MYO9A: variants seen among roughly 807,000 people sequenced by gnomAD.
The protein encoded by MYO9A is myosin IXA, also known as unconventional myosin-IXa.
A neutral mutation model predicts 293.3 loss-of-function variants in MYO9A; 103 were observed. The observed-to-expected ratio is 0.35, with a 90% confidence interval of 0.30 to 0.41. MYO9A has a LOEUF of 0.41. Among genes scored for constraint, MYO9A ranks in the 10% least tolerant of loss-of-function variants. The probability of loss-of-function intolerance (pLI) is 1.00; values close to 1 mark genes in which losing one functional copy is unlikely to be tolerated. For synonymous variants in MYO9A, 1,001 were observed against 1,035.7 expected (o/e 0.97, Z 0.64); for missense variants, 2,685 against 3,033.0 (o/e 0.89, Z 2.69).
At chr15:72,034,410 G>A (rs2077977552) in intron 2 of MYO9A, among the ~76,000 whole-genome samples, 1 of 152,086 alleles carries the variant, frequency 6.6e-6, no homozygotes. Context: ...TATAATGATA[G>A]CAGCAAATGC....
At chr15:72,029,298 T>C (rs1204737967) in intron 3 of MYO9A, among the ~76,000 whole-genome samples, 1 of 152,200 alleles carries the variant, frequency 6.6e-6, no homozygotes, top group Admixed American at 6.5e-5. Context: ...TTCTGAGAAA[T>C]GCATCATTAG....
At chr15:72,092,883 C>T (rs2079958457) in intron 1 of MYO9A, among the ~76,000 whole-genome samples, 1 of 151,774 alleles carries the variant, frequency 6.6e-6, no homozygotes, top group South Asian at 2.1e-4. Flanking sequence ...ACAAGACACA[C>T]ACCACCACTT....
intron 1 of MYO9A, among the ~76,000 whole-genome samples, chr15:72,067,957 C>T (rs1436264540): frequency 6.6e-6 from 1 of 152,082 alleles, no homozygotes; most frequent in East Asian, 1.9e-4. Flanking sequence ...CTCATAAGAA[C>T]AACACAAAGC....
chr15:71,956,651 ATATATATATC>A (rs966683458), intron 14 of MYO9A, among the ~76,000 whole-genome samples: 63 of 150,566 alleles, frequency 4.2e-4, no homozygotes, highest in African/African-American at 1.5e-3. Flanking sequence ...GTCTCAAAAA[ATATATATATC>A]TATATATATC....
At chr15:71,946,772 T>C (rs574098309) in intron 15 of MYO9A, among the ~76,000 whole-genome samples, 11 of 152,374 alleles carry the variant, frequency 7.2e-5, no homozygotes, top group African/African-American at 2.6e-4. Flanking sequence ...AAAGTTCTAC[T>C]GCACCATGCT....
chr15:72,099,434 A>AAAG (rs2080186137), intron 1 of MYO9A, among the ~76,000 whole-genome samples: 3 of 149,428 alleles, frequency 2.0e-5, no homozygotes, highest in Non-Finnish European at 3.0e-5. Context: ...AAAAAAAAAA[A>AAAG]AAAAAAAAGA....
intron 18 of MYO9A, among the ~76,000 whole-genome samples, chr15:71,917,988 T>G (rs2058057734): frequency 6.6e-6 from 1 of 152,038 alleles, no homozygotes; most frequent in Non-Finnish European, 1.5e-5. Context: ...AAAAAAAAAC[T>G]TTTAAAAATT....
chr15:71,899,609 G>T, intron 24 of MYO9A, 78 bp downstream of exon 24: 1 of 1,250,220 alleles, frequency 8.0e-7, no homozygotes, highest in Non-Finnish European at 1.1e-6. Flanking sequence ...ATACAAATTA[G>T]ACAAGTGTTA....
chr15:72,082,425 TGAG>T, intron 1 of MYO9A, among the ~76,000 whole-genome samples: 1 of 152,298 alleles, frequency 6.6e-6, no homozygotes, highest in Non-Finnish European at 1.5e-5. Context: ...GCTTTTGGGC[TGAG>T]ATTATGAGGT....
intron 12 of MYO9A, 101 bp downstream of exon 12, chr15:71,978,070 A>C (rs1004163685): frequency 3.8e-6 from 5 of 1,306,762 alleles, no homozygotes; most frequent in Non-Finnish European, 5.4e-6. Context: ...GTACAAAAAA[A>C]ATTTGGCTCT....
intron 10 of MYO9A, among the ~76,000 whole-genome samples, chr15:71,991,935 T>G (rs919368577): frequency 3.3e-5 from 5 of 152,192 alleles, no homozygotes; most frequent in Non-Finnish European, 7.4e-5. Context: ...TTTGTATTTT[T>G]GGTAGAGACT....
At chr15:71,944,579 T>C (rs967488785) in intron 15 of MYO9A, among the ~76,000 whole-genome samples, 2 of 152,178 alleles carry the variant, frequency 1.3e-5, no homozygotes, top group Non-Finnish European at 2.9e-5. Flanking sequence ...TATCCAGTTG[T>C]TCTAGTGCTA....
chr15:71,934,592 C>CT (rs1004262704), intron 17 of MYO9A, among the ~76,000 whole-genome samples: 1 of 150,494 alleles, frequency 6.6e-6, no homozygotes, highest in African/African-American at 2.4e-5. Flanking sequence ...TAACTAATAA[C>CT]TTTTTTTCCT....
At chr15:71,993,687 C>T (rs1357182370) in intron 10 of MYO9A, 1 of 151,530 alleles carries the variant, frequency 6.6e-6, no homozygotes, top group Admixed American at 6.6e-5. Flanking sequence ...ACTTAGCAAT[C>T]GGCAGGGCAC....
chr15:72,030,529 T>C (rs1329378081), intron 3 of MYO9A, among the ~76,000 whole-genome samples: 1 of 151,996 alleles, frequency 6.6e-6, no homozygotes, highest in South Asian at 2.1e-4. Flanking sequence ...TACATATATA[T>C]ATGGTTTTTT....
chr15:71,953,068 T>C (rs563575940), intron 14 of MYO9A, among the ~76,000 whole-genome samples: 109 of 152,306 alleles, frequency 7.2e-4, no homozygotes, highest in African/African-American at 2.6e-3. Flanking sequence ...ATTTGAAATA[T>C]TTTTCATAAT....
At chr15:71,931,794 C>T (rs1389417584) in intron 18 of MYO9A, among the ~76,000 whole-genome samples, 1 of 152,178 alleles carries the variant, frequency 6.6e-6, no homozygotes, top group Non-Finnish European at 1.5e-5. Context: ...GTTTTCTGCA[C>T]ATTAGATAAC....
chr15:72,012,768 C>T (rs1251771753), intron 6 of MYO9A, among the ~76,000 whole-genome samples: 1 of 152,228 alleles, frequency 6.6e-6, no homozygotes, highest in East Asian at 1.9e-4. Flanking sequence ...ATCTATGCTT[C>T]CACATGTGTC....
rs192981176 is a variant in MYO9A at position 71,964,499 on chromosome 15, T to C, written c.1986+3485A>G. Among the ~76,000 whole-genome samples the C allele has an allele frequency of 7.2e-3, 1,092 of 151,456 alleles. 14 individuals are homozygous for C. The highest frequency in any genetic ancestry group is 9.3e-3 in the Admixed American group (142 of 15,188). ...CCATCTCTACCAAAAATACAAAAAC[T>C]GGCTGGGCGCGATGGCTCACATCTG... is the stretch of plus-strand genomic sequence containing the variant. On this transcript the variant is annotated intron_variant, in intron 13 of 41. Coordinates refer to ENST00000356056, the MANE Select transcript of MYO9A (RefSeq NM_006901.4).
Sources: allele counts gnomAD v4.1 joint callset (sites outside exome capture counted in the v4.1 genomes callset), GRCh38; gene constraint gnomAD v4.1.1; transcripts MANE v1.5; gene names NCBI Gene and HGNC (gene_info 2026-07-23, HGNC 2026-07-21).